Variants in NAMPT observed in about 807,000 individuals in gnomAD.
The protein encoded by NAMPT is NAmPRTase.
Under a neutral mutation model 58.7 loss-of-function variants are expected in NAMPT, and 7 were observed. That is an observed-to-expected ratio of 0.12 (90% CI 0.07 to 0.22). NAMPT has a LOEUF of 0.22. Ranked by LOEUF, NAMPT falls within the 10% of genes least tolerant of loss-of-function variation. The pLI is 1.00. For synonymous variants in NAMPT, 145 were observed against 198.1 expected (o/e 0.73, Z 2.25); for missense variants, 271 against 567.9 (o/e 0.48, Z 5.31).
At chr7:106,252,890 G>T in intron 10 of NAMPT, 127 bp downstream of exon 10, 5 of 1,190,630 alleles carry the variant, frequency 4.2e-6, no homozygotes, top group Non-Finnish European at 5.8e-6. Flanking sequence ...GTCAGCAATT[G>T]GACATTTTAT....
At chr7:106,276,978 T>TA (rs1385318510) in intron 2 of NAMPT, 45 bp downstream of exon 2, 1 of 1,435,604 alleles carries the variant, frequency 7.0e-7, no homozygotes, top group Non-Finnish European at 9.8e-7. Context: ...CTAAAGGAGT[T>TA]AAGAGTAATA....
In NAMPT at chr7:106,254,355, G is replaced by C. The variant is rs772460322; in HGVS notation, c.1230+9C>G. On this transcript the variant is annotated intron_variant, in intron 9 of 10. Transcript: ENST00000222553. ...GTAGTAACACAGAAGTAATTAAAAG[G>C]TGACATACCCCAAGGCCATTAGTTA... 6.2e-7 allele frequency: 1 copy of C among 1,613,394 alleles called. No individual in the cohort carries two copies. Among genetic ancestry groups the C allele is most frequent in the South Asian group, 1.1e-5 (1 of 91,060 alleles).
Position 106,251,037 on chromosome 7 carries a change from A to G in NAMPT, c.*46T>C. 1 of 1,366,828 alleles carries G rather than the reference A, an allele frequency of 7.3e-7. No homozygotes were observed. The highest frequency in any genetic ancestry group is 1.0e-6 in the Non-Finnish European group (1 of 956,590). The allele number at this position is 1,366,828 out of a possible 1,614,324, so 84.7% of individuals were successfully genotyped here. ...CACAAACCCCACACATCTGTACAAT[A>G]AACATTATGTATTACATACACACAA... On this transcript the variant is annotated 3_prime_UTR_variant, in exon 11 of 11. Transcript: ENST00000222553.
rs971335938 is a variant in NAMPT at position 106,250,855 on chromosome 7, T to C, written c.*228A>G. On this transcript the variant is annotated 3_prime_UTR_variant, in exon 11 of 11. Transcript: ENST00000222553. ...AATACCAGATTGAATGACTACCTAT[T>C]GGCAAAGGGCCCTAAAAAGCTTACT... is the stretch of plus-strand genomic sequence containing the variant. The C allele has an allele frequency of 2.0e-6, 1 of 491,636 alleles. No individual in the cohort carries two copies. The highest frequency in any genetic ancestry group is 3.6e-6 in the Non-Finnish European group (1 of 280,090). The allele number at this position is 491,636 out of a possible 1,614,324, so 30.5% of individuals were successfully genotyped here. A position where few individuals can be genotyped will look rare whatever the true frequency, so the allele number is the denominator to read the frequency against.
chr7:106,276,191 CCTTA>C (rs1430787429), intron 2 of NAMPT: 1 of 151,998 alleles, frequency 6.6e-6, no homozygotes, highest in African/African-American at 2.4e-5. Flanking sequence ...CTAAAATTCA[CCTTA>C]CTGTTTTCAA....
At chr7:106,251,334 A>C (rs1035082345) in intron 10 of NAMPT, 141 bp from the exon 11 acceptor site, 4 of 631,998 alleles carry the variant, frequency 6.3e-6, no homozygotes, top group Middle Eastern at 5.4e-4. Flanking sequence ...GATGCATAAA[A>C]AATGCTAGTG....
intron 1 of NAMPT, among the ~76,000 whole-genome samples, chr7:106,282,595 G>A (rs1025907034): frequency 6.6e-6 from 1 of 152,210 alleles, no homozygotes; most frequent in Non-Finnish European, 1.5e-5. Flanking sequence ...GTTTACAGAA[G>A]TGAATGTATA....
chr7:106,254,617 C>T (rs894155573), intron 8 of NAMPT, 113 bp from the exon 9 acceptor site: 64 of 1,180,898 alleles, frequency 5.4e-5, no homozygotes, highest in Non-Finnish European at 6.8e-5. Context: ...TTTTATAACA[C>T]GGTCAATAAA....
chr7:106,263,801 C>T (rs539240999), intron 6 of NAMPT, among the ~76,000 whole-genome samples, 184 bp from the exon 7 acceptor site: 1 of 152,144 alleles, frequency 6.6e-6, no homozygotes, highest in East Asian at 1.9e-4. Context: ...ATACCTTACC[C>T]AATTAGTTTT....
At position 106,248,463 on chromosome 7, in the gene NAMPT, A is replaced by G. The variant is rs138980033; in HGVS notation, c.*2620T>C. ...CAAAATACTTAAGTGTGAGTTCTAA[A>G]TTATGGCAAACAGAACAATAAATAC... On this transcript the variant is annotated 3_prime_UTR_variant, in exon 11 of 11. Transcript: ENST00000222553. The G allele has an allele frequency of 6.6e-6, 1 of 152,556 alleles. No homozygotes were observed. The highest frequency in any genetic ancestry group is 1.5e-5 in the Non-Finnish European group (1 of 67,994). 9.5% of individuals were successfully genotyped at this position (152,556 alleles called of 1,614,324 possible).
chr7:106,257,509 C>G (rs908667934), intron 8 of NAMPT, among the ~76,000 whole-genome samples: 1 of 148,776 alleles, frequency 6.7e-6, no homozygotes, highest in Non-Finnish European at 1.5e-5. Flanking sequence ...CACACACTTG[C>G]AGTCCCAGCT....
chr7:106,258,445 T>C (rs1454694234), intron 8 of NAMPT, among the ~76,000 whole-genome samples: 1 of 152,222 alleles, frequency 6.6e-6, no homozygotes, highest in African/African-American at 2.4e-5. Context: ...ATGTCAGTGG[T>C]TTCTGAATGC....
At chr7:106,263,344 C>T in intron 7 of NAMPT, 48 bp downstream of exon 7, 1 of 1,318,550 alleles carries the variant, frequency 7.6e-7, no homozygotes, top group Non-Finnish European at 1.1e-6. Context: ...ATTGATGCAG[C>T]TGGCCTACAG....
At chr7:106,271,213 G>GT (rs578046483) in intron 4 of NAMPT, among the ~76,000 whole-genome samples, 1 of 152,006 alleles carries the variant, frequency 6.6e-6, no homozygotes, top group Non-Finnish European at 1.5e-5. Flanking sequence ...CCATCTAAAG[G>GT]TTTATCTTAT....
At chr7:106,272,391 T>C (rs1165676897) in intron 4 of NAMPT, 139 bp downstream of exon 4, 10 of 651,100 alleles carry the variant, frequency 1.5e-5, no homozygotes, top group Non-Finnish European at 2.5e-5. Flanking sequence ...ATTTTATAGA[T>C]GAGGAAATTG....
intron 10 of NAMPT, among the ~76,000 whole-genome samples, chr7:106,252,454 CTCA>C (rs111975633): frequency 4.4e-4 from 67 of 152,054 alleles, no homozygotes; most frequent in African/African-American, 1.5e-3. Context: ...TAATAGTGCA[CTCA>C]TGTTTAGTGT....
At chr7:106,266,863 C>T (rs1213076334) in intron 6 of NAMPT, among the ~76,000 whole-genome samples, 1 of 152,142 alleles carries the variant, frequency 6.6e-6, no homozygotes, top group Non-Finnish European at 1.5e-5. Flanking sequence ...TTGAAAATGC[C>T]TGATTTAGAA....
chr7:106,285,717 A>G (rs1586033003), upstream of NAMPT: 1 of 345,780 alleles, frequency 2.9e-6, no homozygotes, highest in African/African-American at 2.2e-5. Flanking sequence ...TCTATGGCTG[A>G]GCTCTTTGAT....
intron 1 of NAMPT, among the ~76,000 whole-genome samples, chr7:106,278,206 T>TTGGCTCTATCCTCAAGAATCTTCATAGC (rs1792688915): frequency 6.6e-6 from 1 of 152,174 alleles, no homozygotes; most frequent in African/African-American, 2.4e-5. Flanking sequence ...TCAGTAAAAC[T>TTGGCTCTATCCTCAAGAATCTTCATAGC]TGGCTCTATC....
Sources: gnomAD v4.1 joint callset for allele counts (sites outside exome capture counted in the v4.1 genomes callset) on GRCh38, gnomAD v4.1.1 for gene constraint, MANE v1.5 for transcripts, NCBI Gene and HGNC (gene_info 2026-07-23, HGNC 2026-07-21) for gene names.